The following LRRC7 variants were observed in gnomAD, a reference collection of about 807,000 sequenced individuals.
LRRC7 encodes leucine rich repeat containing 7, also known as leucine-rich repeat-containing protein 7.
In LRRC7, 23 loss-of-function variants were observed where a neutral mutation model predicts 175.7. That is an observed-to-expected ratio of 0.13 (90% CI 0.09 to 0.19). The LOEUF is 0.19. Ranked by LOEUF, LRRC7 falls within the 10% of genes least tolerant of loss-of-function variation. The pLI is 1.00. For missense variants in LRRC7, 1,354 were observed against 1,904.7 expected (o/e 0.71, Z 5.38); for synonymous variants, 685 against 680.9 (o/e 1.01, Z -0.09).
chr1:69,919,715 G>T, intron 7 of LRRC7: 1 of 1,013,202 alleles, frequency 9.9e-7, no homozygotes. Flanking sequence ...GGGAGACCTG[G>T]GTGCCTTCAG....
intron 3 of LRRC7, among the ~76,000 whole-genome samples, chr1:69,786,987 A>G (rs1274572323): frequency 6.6e-6 from 1 of 152,214 alleles, no homozygotes; most frequent in East Asian, 1.9e-4. Flanking sequence ...TCCACCTATG[A>G]GCCTGTAAAA....
chr1:69,690,234 G>A lies in LRRC7; in HGVS notation c.100+11756G>A, dbSNP rs529529922. On this transcript the variant is annotated intron_variant, in intron 2 of 26. Transcript: ENST00000651989. The stretch of plus-strand genomic sequence containing the variant: ...GCACCTCTGGCTTAGCAAATCAGTC[G>A]TTTGTGTAGGACTTGAGCTCCCACT... Among the ~76,000 whole-genome samples, 6 of 152,214 alleles carry A rather than the reference G, an allele frequency of 3.9e-5. No individual in the cohort carries two copies. In the East Asian group the frequency reaches 5.8e-4, roughly 15 times the overall value.
chr1:69,939,005 A>ATATATATC (rs1648360123), intron 8 of LRRC7, among the ~76,000 whole-genome samples: 1 of 97,914 alleles, frequency 1.0e-5, no homozygotes, highest in South Asian at 3.0e-4. Flanking sequence ...TTATATATAT[A>ATATATATC]TATATATATC....
intron 2 of LRRC7, among the ~76,000 whole-genome samples, chr1:69,683,183 A>G (rs1409236053): frequency 2.6e-5 from 4 of 151,984 alleles, no homozygotes; most frequent in Non-Finnish European, 5.9e-5. Context: ...AAATTCATAA[A>G]CCCGGGAGTC....
chr1:69,974,755 T>C (rs1160446579), intron 8 of LRRC7, among the ~76,000 whole-genome samples: 1 of 152,214 alleles, frequency 6.6e-6, no homozygotes, highest in Non-Finnish European at 1.5e-5. Flanking sequence ...TTTTGAAGCT[T>C]CCTCTGTAAC....
At chr1:69,708,786 A>C (rs2100724780) in intron 2 of LRRC7, among the ~76,000 whole-genome samples, 1 of 152,254 alleles carries the variant, frequency 6.6e-6, no homozygotes, top group South Asian at 2.1e-4. Context: ...CAGTGGGCTA[A>C]CCTGGACAGG....
chr1:69,699,046 G>A lies in LRRC7; in HGVS notation c.100+20568G>A, dbSNP rs532732254. 5.3e-5 allele frequency among the ~76,000 whole-genome samples: 8 copies of A among 151,874 alleles called. No individual in the cohort carries two copies. The South Asian group carries it at 6.3e-4, about 12-fold the overall frequency. Reference sequence around the variant, plus strand: ...GATTTATATATACTTTAAGTTCTAGGGTACACGTGCACAACGTGCGGTCTT... The same window carrying A: ...GATTTATATATACTTTAAGTTCTAGAGTACACGTGCACAACGTGCGGTCTT... On this transcript the variant is annotated intron_variant, in intron 2 of 26. Transcript: ENST00000651989.
chr1:69,921,324 GACACACACATAC>G (rs1219463193), intron 7 of LRRC7, among the ~76,000 whole-genome samples: 1 of 151,690 alleles, frequency 6.6e-6, no homozygotes, highest in African/African-American at 2.4e-5. Flanking sequence ...CTGAGCTCCA[GACACACACATAC>G]ACACACACAA....
chr1:69,905,000 T>C (rs1240064909), intron 7 of LRRC7, among the ~76,000 whole-genome samples: 2 of 152,192 alleles, frequency 1.3e-5, no homozygotes, highest in African/African-American at 4.8e-5. Context: ...ACATTCTACA[T>C]TTACATCATA....
chr1:69,831,553 G>A (rs1178477197), intron 5 of LRRC7, among the ~76,000 whole-genome samples: 2 of 151,972 alleles, frequency 1.3e-5, no homozygotes, highest in Non-Finnish European at 2.9e-5. Context: ...ATTTGCTGCA[G>A]AACTCATCTT....
At chr1:69,974,965 A>G (rs1301515729) in intron 8 of LRRC7, among the ~76,000 whole-genome samples, 1 of 152,220 alleles carries the variant, frequency 6.6e-6, no homozygotes, top group Non-Finnish European at 1.5e-5. Context: ...TCATCAAATT[A>G]TTCTCATTTT....
At chr1:69,653,783 A>C (rs1395770910) in intron 1 of LRRC7, among the ~76,000 whole-genome samples, 1 of 152,072 alleles carries the variant, frequency 6.6e-6, no homozygotes, top group Admixed American at 6.6e-5. Flanking sequence ...TACTTGCCAT[A>C]AAAAAGGAAA....
At chr1:69,787,306 G>A (rs1261882240) in intron 3 of LRRC7, among the ~76,000 whole-genome samples, 1 of 152,200 alleles carries the variant, frequency 6.6e-6, no homozygotes, top group Non-Finnish European at 1.5e-5. Context: ...CATGGTGCAA[G>A]CTCTCAGAGG....
At chr1:69,718,636 A>T (rs538674107) in intron 2 of LRRC7, among the ~76,000 whole-genome samples, 1 of 151,924 alleles carries the variant, frequency 6.6e-6, no homozygotes, top group South Asian at 2.1e-4. Flanking sequence ...TGAAAAGGAA[A>T]CATTGCCACA....
Position 70,025,833 on chromosome 1 carries a change from G to A in LRRC7, c.1795-2338G>A, listed in dbSNP as rs531784379. On this transcript the variant is annotated intron_variant, in intron 17 of 26. Coordinates refer to ENST00000651989, the MANE Select transcript of LRRC7 (RefSeq NM_001370785.2). The stretch of plus-strand genomic sequence containing the variant: ...AGACCTGGAACTTCCTCAATTTAAG[G>A]GGGGGGGGGTCCTCTTTCAGAAAAA... Among the ~76,000 whole-genome samples the A allele has an allele frequency of 1.7e-4, 18 of 105,136 alleles. No homozygotes were observed. In the South Asian group the frequency reaches 4.0e-3, roughly 24 times the overall value. 69.0% of individuals were successfully genotyped at this position (105,136 alleles called of 152,430 possible).
chr1:69,855,616 G>A (rs1683511892), intron 7 of LRRC7, among the ~76,000 whole-genome samples: 1 of 152,104 alleles, frequency 6.6e-6, no homozygotes, highest in African/African-American at 2.4e-5. Context: ...ATTTGGGGTG[G>A]AGAGTTCTGT....
chr1:69,718,846 G>A (rs1666040633), intron 2 of LRRC7, among the ~76,000 whole-genome samples: 1 of 151,644 alleles, frequency 6.6e-6, no homozygotes, highest in Non-Finnish European at 1.5e-5. Context: ...ATGATTGAGG[G>A]AAAAAAAGCT....
At chr1:70,057,737 G>T (rs1257346041) in intron 23 of LRRC7, among the ~76,000 whole-genome samples, 4 of 152,104 alleles carry the variant, frequency 2.6e-5, no homozygotes, top group Non-Finnish European at 1.5e-5. Context: ...GGTTACTCAT[G>T]GCCATGCCAG....
At position 70,144,005 on chromosome 1, in the gene LRRC7, T is replaced by C. The variant is rs1019484786; in HGVS notation, c.*22118T>C. On this transcript the variant is annotated 3_prime_UTR_variant, in exon 27 of 27. Transcript: ENST00000651989. ...CTGGTTTTTTTGCAGTATGAGACCA[T>C]AACAACCTTGAAAGCTGCTTCATTT... The C allele has an allele frequency of 6.6e-6, 1 of 152,198 alleles. No individual in the cohort carries two copies. Among genetic ancestry groups the C allele is most frequent in the African/African-American group, 2.4e-5 (1 of 41,464 alleles). 9.4% of individuals were successfully genotyped at this position (152,198 alleles called of 1,614,324 possible). A position where few individuals can be genotyped will look rare whatever the true frequency, so the allele number is the denominator to read the frequency against.
Sources: allele counts gnomAD v4.1 joint callset (sites outside exome capture counted in the v4.1 genomes callset), GRCh38; gene constraint gnomAD v4.1.1; transcripts MANE v1.5; gene names NCBI Gene and HGNC (gene_info 2026-07-23, HGNC 2026-07-21).